Variants in RUFY4 observed in about 807,000 individuals in gnomAD.
RUFY4 encodes RUN and FYVE domain containing 4.
A neutral mutation model predicts 69.0 loss-of-function variants in RUFY4; 73 were observed. The ratio of observed to expected loss-of-function variants is 1.06; its 90% CI spans 0.88 to 1.29. The LOEUF is 1.29. Ranked by LOEUF, RUFY4 falls within the 50% of genes most tolerant of loss-of-function variation. The pLI, the probability that RUFY4 is intolerant of heterozygous loss-of-function variation, is 0.00. For synonymous variants in RUFY4, 287 were observed against 271.8 expected, an observed-to-expected ratio of 1.06 and a Z score of -0.55; for missense variants, 770 against 705.6, an observed-to-expected ratio of 1.09 and a Z score of -1.03.
At chr2:218,044,601 T>C (rs560149976) in intron 2 of RUFY4, among the ~76,000 whole-genome samples, 7 of 152,242 alleles carry the variant, frequency 4.6e-5, no homozygotes, top group African/African-American at 1.7e-4. Context: ...CCACCCTCCA[T>C]CCTCTGATAA....
intron 9 of RUFY4, among the ~76,000 whole-genome samples, chr2:218,088,465 A>G (rs1689945010): frequency 6.6e-6 from 1 of 152,114 alleles, no homozygotes; most frequent in Non-Finnish European, 1.5e-5. Flanking sequence ...CAAAAAAAAA[A>G]AAAAAGAAAA....
chr2:218,080,132 G>A (rs1483804514), intron 8 of RUFY4, among the ~76,000 whole-genome samples: 1 of 152,216 alleles, frequency 6.6e-6, no homozygotes, highest in Non-Finnish European at 1.5e-5. Flanking sequence ...TACGGGGTGT[G>A]GCTGAGCAGA....
chr2:218,054,781 TA>T (rs2106033646), intron 2 of RUFY4, among the ~76,000 whole-genome samples: 1 of 152,342 alleles, frequency 6.6e-6, no homozygotes, highest in East Asian at 1.9e-4. Flanking sequence ...GTTTCTCTCT[TA>T]AGCTATCTGT....
chr2:218,053,432 A>G (rs1344778753), intron 2 of RUFY4, among the ~76,000 whole-genome samples: 1 of 151,152 alleles, frequency 6.6e-6, no homozygotes, highest in East Asian at 1.9e-4. Context: ...TGAAGCCTCA[A>G]CCTCCCAGGC....
Position 218,072,486 on chromosome 2 carries a change from G to A in RUFY4, c.266G>A (p.Arg89His), listed in dbSNP as rs189254591. ...AACATGGAGCCAATCCACTTTGTCC[G>A]TTCCCAGGACAAGGTATCCAGGGCC... The change falls in exon 3 of 11, where the codon CGT (arginine) becomes CAT (histidine). Residue 89 changes from arginine to histidine, a missense_variant. Arg to His is a conservative substitution (Grantham distance 29). Coordinates refer to ENST00000344321, the Ensembl canonical transcript of RUFY4. 7,129 of 1,537,002 alleles carry A rather than the reference G, an allele frequency of 4.6e-3. 18 individuals carry two copies. Among genetic ancestry groups the A allele is most frequent in the Non-Finnish European group, 5.4e-3 (6,224 of 1,146,894 alleles).
At chr2:218,061,607 T>C (rs1297640836) in intron 3 of RUFY4, among the ~76,000 whole-genome samples, 1 of 152,232 alleles carries the variant, frequency 6.6e-6, no homozygotes, top group Admixed American at 6.5e-5. Context: ...GCAATGTTAG[T>C]GATAAATGCC....
At chr2:218,050,534 C>G (rs564657740) in intron 2 of RUFY4, among the ~76,000 whole-genome samples, 27 of 152,368 alleles carry the variant, frequency 1.8e-4, no homozygotes, top group Admixed American at 1.5e-3. Flanking sequence ...GCTCACAGAA[C>G]TGCAAGAGTG....
chr2:218,084,717 C>CAT (rs982874027), intron 9 of RUFY4, among the ~76,000 whole-genome samples: 16 of 152,010 alleles, frequency 1.1e-4, no homozygotes, highest in African/African-American at 2.4e-4. Context: ...CAATAAAAGA[C>CAT]ATATATATAT....
At chr2:218,078,905 C>T (rs1689697508) in intron 8 of RUFY4, among the ~76,000 whole-genome samples, 1 of 152,112 alleles carries the variant, frequency 6.6e-6, no homozygotes, top group Non-Finnish European at 1.5e-5. Flanking sequence ...TTCGCTCTTG[C>T]TGCCCAGGCT....
upstream of RUFY4, among the ~76,000 whole-genome samples, chr2:218,064,640 G>T (rs1689279832): frequency 6.6e-6 from 1 of 152,098 alleles, no homozygotes; most frequent in Admixed American, 6.5e-5. Context: ...GAGCCACCAT[G>T]ATCTTTACCC....
chr2:218,039,093 A>T lies in RUFY4; in HGVS notation c.-1158+3699A>T, dbSNP rs140865739. On this transcript the variant is annotated intron_variant and NMD_transcript_variant, in intron 2 of 13. Coordinates refer to the RUFY4 transcript ENST00000457754. ...CACAGCAAGATAAACCAACATCGGT[A>T]AAAGCAAACTGAGAGTGGCTACTGT... Among the ~76,000 whole-genome samples the T allele has an allele frequency of 1.7e-3, 260 of 152,316 alleles. 1 individual carries two copies. Among genetic ancestry groups the T allele is most frequent in the African/African-American group, 5.8e-3 (241 of 41,566 alleles).
At chr2:218,084,254 C>T (rs1355153616) in intron 9 of RUFY4, among the ~76,000 whole-genome samples, 5 of 150,186 alleles carry the variant, frequency 3.3e-5, no homozygotes, top group African/African-American at 7.4e-5. Context: ...TTTTTTTTAA[C>T]GGAGTCTCGC....
chr2:218,049,110 G>T (rs895814921), intron 2 of RUFY4, among the ~76,000 whole-genome samples: 1 of 152,200 alleles, frequency 6.6e-6, no homozygotes. Context: ...TGGGTCATAT[G>T]GTTCACAGCA....
chr2:218,072,416 G>T, exon 3 of RUFY4: 1 of 1,537,412 alleles, frequency 6.5e-7, no homozygotes, highest in South Asian at 1.2e-5. Flanking sequence ...GCCTCGGAAG[G>T]ATTACTGGGA....
chr2:218,055,388 C>T (rs994430480), intron 2 of RUFY4, among the ~76,000 whole-genome samples: 17 of 146,442 alleles, frequency 1.2e-4, no homozygotes, highest in Admixed American at 1.1e-3. Context: ...GGGTGAGACC[C>T]TGTCTCAAAA....
chr2:218,089,835 T>G, intron 10 of RUFY4, 117 bp from the exon 13 acceptor site: 1 of 781,936 alleles, frequency 1.3e-6, no homozygotes, highest in Non-Finnish European at 2.2e-6. Context: ...CACTGGGAGA[T>G]GAGAAACAGA....
chr2:218,044,841 T>A (rs1270265278), intron 2 of RUFY4, among the ~76,000 whole-genome samples: 1 of 152,208 alleles, frequency 6.6e-6, no homozygotes, highest in Non-Finnish European at 1.5e-5. Flanking sequence ...CAGTCTACCA[T>A]TGATGGGAAT....
chr2:218,073,790 G>A (rs1340284332), intron 5 of RUFY4, 26 bp from the exon 8 acceptor site: 1 of 1,613,314 alleles, frequency 6.2e-7, no homozygotes, highest in African/African-American at 1.3e-5. Flanking sequence ...AGAGGCCCAG[G>A]GTCCCCCTGC....
chr2:218,050,660 C>A lies in RUFY4; in HGVS notation c.-1157-7935C>A, dbSNP rs143825084. Among the ~76,000 whole-genome samples the A allele has an allele frequency of 7.0e-3, 1,058 of 152,088 alleles. 11 individuals are homozygous for A. Among genetic ancestry groups the A allele is most frequent in the African/African-American group, 0.024 (994 of 41,366 alleles). On this transcript the variant is annotated intron_variant and NMD_transcript_variant, in intron 2 of 13. Coordinates refer to the RUFY4 transcript ENST00000457754. ...TCACATCTTTCTCTGTATTACCACA[C>A]ATTTTTTTTGGCCTGGGTTTGGTAG...
Sources: allele counts gnomAD v4.1 joint callset (sites outside exome capture counted in the v4.1 genomes callset), GRCh38; gene constraint gnomAD v4.1.1; transcripts MANE v1.5; gene names NCBI Gene and HGNC (gene_info 2026-07-23, HGNC 2026-07-21).